VPS50: variants seen among roughly 807,000 people sequenced by gnomAD.
VPS50 encodes the protein syndetin.
In VPS50, 70 loss-of-function variants were observed where a neutral mutation model predicts 139.7. The observed-to-expected ratio is 0.50, with a 90% CI of 0.41 to 0.61. VPS50 has a LOEUF of 0.61. Ranked by LOEUF, VPS50 falls within the 20% of genes least tolerant of loss-of-function variation. The probability of loss-of-function intolerance (pLI) is 0.00; values close to 1 mark genes in which losing one functional copy is unlikely to be tolerated. For synonymous variants in VPS50, 365 were observed against 376.7 expected (o/e 0.97, Z 0.36); for missense variants, 921 against 1,133.7 (o/e 0.81, Z 2.69).
intron 2 of VPS50, among the ~76,000 whole-genome samples, chr7:93,240,246 C>G (rs1794943052): frequency 7.0e-6 from 1 of 143,876 alleles, no homozygotes; most frequent in African/African-American, 2.8e-5. Flanking sequence ...CACACACACA[C>G]ACACTCTCTC....
chr7:93,263,043 T>A (rs904318831), intron 9 of VPS50, among the ~76,000 whole-genome samples: 1 of 152,194 alleles, frequency 6.6e-6, no homozygotes, highest in Non-Finnish European at 1.5e-5. Flanking sequence ...TTTTTTGTTT[T>A]TTTTTCTGTG....
chr7:93,301,047 A>C (rs565815947), intron 16 of VPS50, among the ~76,000 whole-genome samples: 8 of 152,282 alleles, frequency 5.3e-5, no homozygotes, highest in African/African-American at 1.9e-4. Context: ...CTATAATCCC[A>C]GCACTTTGGG....
chr7:93,251,914 T>C (rs1200614107), intron 2 of VPS50, among the ~76,000 whole-genome samples: 1 of 152,224 alleles, frequency 6.6e-6, no homozygotes. Context: ...AAAAATTTAC[T>C]AGTTAACTGA....
chr7:93,314,857 A>G (rs1797378349), intron 20 of VPS50, among the ~76,000 whole-genome samples: 1 of 152,072 alleles, frequency 6.6e-6, no homozygotes, highest in African/African-American at 2.4e-5. Flanking sequence ...GGAAGGTCAA[A>G]TACTAGATGA....
chr7:93,334,093 A>G lies in VPS50; in HGVS notation c.1978-24A>G, dbSNP rs777477221. ...TTTGCAAGATGATCTTTAGAACGAT[A>G]TAACAAGCCTTTTTCTTTTTCAGTT... On this transcript the variant is annotated intron_variant, in intron 21 of 27. Coordinates refer to ENST00000305866, the MANE Select transcript of VPS50 (RefSeq NM_017667.4). 7.5e-6 allele frequency: 10 copies of G among 1,329,926 alleles called. No homozygotes were observed. The African/African-American group carries it at 8.8e-5, about 12-fold the overall frequency. 82.4% of individuals were successfully genotyped at this position (1,329,926 alleles called of 1,614,324 possible). A position where few individuals can be genotyped will look rare whatever the true frequency, so the allele number is the denominator to read the frequency against.
At chr7:93,250,783 G>T (rs1358694976) in intron 2 of VPS50, among the ~76,000 whole-genome samples, 2 of 152,046 alleles carry the variant, frequency 1.3e-5, no homozygotes, top group Non-Finnish European at 2.9e-5. Flanking sequence ...GAAAATGTTT[G>T]CAATCTATCC....
intron 20 of VPS50, among the ~76,000 whole-genome samples, chr7:93,316,253 C>T (rs146347362): frequency 4.8e-4 from 73 of 152,196 alleles, no homozygotes; most frequent in African/African-American, 1.6e-3. Context: ...GGAGATGTGA[C>T]GAGAAAGATG....
At chr7:93,319,850 T>C (rs1797548468) in intron 20 of VPS50, among the ~76,000 whole-genome samples, 2 of 152,144 alleles carry the variant, frequency 1.3e-5, no homozygotes, top group African/African-American at 4.8e-5. Flanking sequence ...TCCCACAGTA[T>C]TGTCTTTTGC....
intron 26 of VPS50, among the ~76,000 whole-genome samples, 154 bp downstream of exon 26, chr7:93,353,915 C>T (rs1798626494): frequency 6.6e-6 from 1 of 152,188 alleles, no homozygotes; most frequent in South Asian, 2.1e-4. Context: ...TTAGACCCCA[C>T]TGTGTCTGTC....
chr7:93,253,991 G>C, intron 4 of VPS50, 60 bp downstream of exon 4: 1 of 834,180 alleles, frequency 1.2e-6, no homozygotes, highest in Non-Finnish European at 1.9e-6. Flanking sequence ...ACAACAGAGA[G>C]GTATAATGTT....
intron 5 of VPS50, 41 bp from the exon 6 acceptor site, chr7:93,257,353 A>C (rs764934605): frequency 1.6e-6 from 2 of 1,224,464 alleles, no homozygotes; most frequent in African/African-American, 3.0e-5. Context: ...AAAGAAAAAT[A>C]AAATACCTCC....
At chr7:93,289,017 G>A (rs560298850) in intron 12 of VPS50, among the ~76,000 whole-genome samples, 5 of 151,952 alleles carry the variant, frequency 3.3e-5, no homozygotes, top group Admixed American at 6.6e-5. Context: ...TTTTCAGGCC[G>A]GCATTGTAAG....
intron 10 of VPS50, among the ~76,000 whole-genome samples, chr7:93,271,535 T>TATA (rs1174501914): frequency 1.3e-5 from 2 of 151,808 alleles, no homozygotes; most frequent in East Asian, 3.9e-4. Context: ...ATATAAATTA[T>TATA]ATAATAGCCA....
At chr7:93,266,638 C>T (rs184189034) in intron 9 of VPS50, among the ~76,000 whole-genome samples, 2 of 152,230 alleles carry the variant, frequency 1.3e-5, no homozygotes, top group African/African-American at 4.8e-5. Flanking sequence ...GCTTGCAGAC[C>T]GCTTTTAAAG....
intron 6 of VPS50, 170 bp from the exon 7 acceptor site, chr7:93,257,989 A>C: frequency 2.0e-6 from 1 of 510,728 alleles, no homozygotes. Context: ...TGGTGTTCTG[A>C]GTAATGCTGG....
rs188212063 is a variant in VPS50 at position 93,297,269 on chromosome 7, C to A, written c.1361+26C>A. 2.0e-6 allele frequency: 3 copies of A among 1,500,884 alleles called. No homozygotes were observed. In the South Asian group the frequency reaches 4.3e-5, roughly 21 times the overall value. 93.0% of individuals were successfully genotyped at this position (1,500,884 alleles called of 1,614,324 possible). ...GTAAGAACTCTAATAAGATATGAAT[C>A]GACTTATTTAGGTAATGAGAATACT... On this transcript the variant is annotated intron_variant, in intron 16 of 27. Coordinates refer to ENST00000305866, the MANE Select transcript of VPS50 (RefSeq NM_017667.4).
Position 93,341,419 on chromosome 7 carries a change from A to G in VPS50, c.2059-8A>G, listed in dbSNP as rs1295617620. The G allele has an allele frequency of 3.1e-6, 5 of 1,595,084 alleles. No homozygotes were observed. Among genetic ancestry groups the G allele is most frequent in the Non-Finnish European group, 4.3e-6 (5 of 1,172,196 alleles). Reference sequence around the variant, plus strand: ...TTATTCCAGGTTGTATATCTATTGTATTTTCAGGAAGTTTCAGCTGATCCT... The same window carrying G: ...TTATTCCAGGTTGTATATCTATTGTGTTTTCAGGAAGTTTCAGCTGATCCT... On this transcript the variant is annotated splice_polypyrimidine_tract_variant and splice_region_variant and intron_variant, in intron 22 of 27. Transcript: ENST00000305866.
At chr7:93,303,005 A>T (rs928621365) in intron 16 of VPS50, among the ~76,000 whole-genome samples, 4 of 152,032 alleles carry the variant, frequency 2.6e-5, no homozygotes, top group African/African-American at 4.8e-5. Flanking sequence ...AGTGATAATT[A>T]TCTTGCTATT....
At chr7:93,328,000 C>T (rs151112897) in intron 21 of VPS50, among the ~76,000 whole-genome samples, 3 of 152,254 alleles carry the variant, frequency 2.0e-5, no homozygotes, top group East Asian at 3.9e-4. Flanking sequence ...TGGTTGGGGA[C>T]ACAGTATATA....
Sources: allele counts gnomAD v4.1 joint callset (sites outside exome capture counted in the v4.1 genomes callset), GRCh38; gene constraint gnomAD v4.1.1; transcripts MANE v1.5; gene names NCBI Gene and HGNC (gene_info 2026-07-23, HGNC 2026-07-21).